The following UGT2A1 variants were observed in gnomAD, a reference collection of about 807,000 sequenced individuals.
The protein encoded by UGT2A1 is UDP-glucuronosyltransferase 2A1.
A neutral mutation model predicts 45.4 loss-of-function variants in UGT2A1; 61 were observed. The observed-to-expected ratio is 1.34, with a 90% confidence interval of 1.09 to 1.66. The LOEUF (loss-of-function observed/expected upper bound fraction) is 1.66, where lower values mean the gene tolerates loss of function less well. Ranked by LOEUF, UGT2A1 falls within the 40% of genes most tolerant of loss-of-function variation. UGT2A1 has a pLI of 0.00. For missense variants in UGT2A1, 649 were observed against 574.3 expected (o/e 1.13, Z -1.33); for synonymous variants, 229 against 196.2 (o/e 1.17, Z -1.40).
chr4:69,608,940 C>A (rs544169260), intron 3 of UGT2A1, among the ~76,000 whole-genome samples: 94 of 151,984 alleles, frequency 6.2e-4, no homozygotes, highest in Admixed American at 1.2e-3. Flanking sequence ...ATTAAGACAG[C>A]ATAAAAATCC....
At chr4:69,598,275 C>G (rs1360751693) in intron 4 of UGT2A1, among the ~76,000 whole-genome samples, 1 of 152,096 alleles carries the variant, frequency 6.6e-6, no homozygotes, top group Non-Finnish European at 1.5e-5. Flanking sequence ...TAGGAACCTG[C>G]AACTTTCTAA....
intron 3 of UGT2A1, among the ~76,000 whole-genome samples, chr4:69,619,609 G>A (rs1015876045): frequency 6.6e-6 from 1 of 151,830 alleles, no homozygotes; most frequent in Non-Finnish European, 1.5e-5. Flanking sequence ...TTCCATTTGT[G>A]TGAAACTTAA....
chr4:69,639,460 C>T (rs755749922), intron 2 of UGT2A1: 1 of 1,613,066 alleles, frequency 6.2e-7, no homozygotes, highest in East Asian at 2.2e-5. Flanking sequence ...GAAGCCAGTA[C>T]AGTCACATTG....
At position 69,616,373 on chromosome 4, in the gene UGT2A1, G is replaced by A. The variant is rs549414499; in HGVS notation, c.848-16979C>T. Reference sequence around the variant, plus strand: ...TTTGTGTGTTTTAAAATGACTAAGAGTGGAATTGGAATTTTCCTAACATAG... The same window carrying A: ...TTTGTGTGTTTTAAAATGACTAAGAATGGAATTGGAATTTTCCTAACATAG... On this transcript the variant is annotated intron_variant, in intron 3 of 6. Transcript: ENST00000286604. 4.9e-4 allele frequency among the ~76,000 whole-genome samples: 74 copies of A among 152,040 alleles called. 1 individual carries two copies. The highest frequency in any genetic ancestry group is 1.4e-3 in the Admixed American group (22 of 15,228).
chr4:69,618,205 G>GTGTGTATGTT (rs1553905688), intron 3 of UGT2A1, among the ~76,000 whole-genome samples: 175 of 87,960 alleles, frequency 2.0e-3, no homozygotes, highest in African/African-American at 5.7e-3. Flanking sequence ...GTGTGTGTGT[G>GTGTGTATGTT]TGTGTGTGTG....
chr4:69,626,291 A>T (rs911611910), intron 3 of UGT2A1, among the ~76,000 whole-genome samples: 2 of 151,428 alleles, frequency 1.3e-5, no homozygotes, highest in African/African-American at 4.8e-5. Flanking sequence ...TTATTCCACC[A>T]AAGAGGCCAT....
chr4:69,650,633 C>A (rs1722476402), intron 1 of UGT2A1, among the ~76,000 whole-genome samples: 1 of 151,144 alleles, frequency 6.6e-6, no homozygotes, highest in Non-Finnish European at 1.5e-5. Flanking sequence ...TAATACATAC[C>A]ACATATAAGA....
intron 3 of UGT2A1, among the ~76,000 whole-genome samples, chr4:69,609,226 C>A (rs1424266624): frequency 6.6e-6 from 1 of 151,146 alleles, no homozygotes; most frequent in Non-Finnish European, 1.5e-5. Flanking sequence ...CAACACAGCT[C>A]ACTGCAGCCT....
intron 1 of UGT2A1, among the ~76,000 whole-genome samples, chr4:69,649,185 C>T (rs4148276): frequency 6.6e-6 from 1 of 151,918 alleles, no homozygotes; most frequent in African/African-American, 2.4e-5. Context: ...TAAGCTCTCC[C>T]ATCACCAAAG....
In UGT2A1 at chr4:69,629,859, C is replaced by A. The variant is rs1199302460; in HGVS notation, c.847+5832G>T. On this transcript the variant is annotated intron_variant, in intron 3 of 6. Transcript: ENST00000286604. ...CCTGTGAGTCTTTCTAGTGAATCAT[C>A]GAGTCTCAGAGTAGATCCATAAGAA... 3.3e-5 allele frequency among the ~76,000 whole-genome samples: 5 copies of A among 151,892 alleles called. No homozygotes were observed. In the South Asian group the frequency reaches 1.0e-3, roughly 32 times the overall value.
At chr4:69,630,166 T>C (rs1721304834) in intron 3 of UGT2A1, among the ~76,000 whole-genome samples, 1 of 152,114 alleles carries the variant, frequency 6.6e-6, no homozygotes, top group Non-Finnish European at 1.5e-5. Context: ...TTTCCATTCT[T>C]GTAGACATTT....
At chr4:69,619,124 G>A (rs964387633) in intron 3 of UGT2A1, among the ~76,000 whole-genome samples, 2 of 151,874 alleles carry the variant, frequency 1.3e-5, no homozygotes, top group Non-Finnish European at 2.9e-5. Context: ...CAGGCCACCT[G>A]ATGTGCTTCA....
intron 2 of UGT2A1, among the ~76,000 whole-genome samples, chr4:69,642,508 A>AT (rs1457083258): frequency 6.6e-6 from 1 of 151,694 alleles, no homozygotes; most frequent in Non-Finnish European, 1.5e-5. Flanking sequence ...ATTCCAGTGC[A>AT]TTTTTTCTTC....
chr4:69,639,916 C>T (rs1388436242), intron 2 of UGT2A1, among the ~76,000 whole-genome samples: 1 of 151,950 alleles, frequency 6.6e-6, no homozygotes, highest in African/African-American at 2.4e-5. Context: ...TTATAAAATA[C>T]ATCTTTAATA....
chr4:69,622,823 C>G (rs113610700), intron 3 of UGT2A1, among the ~76,000 whole-genome samples: 4,403 of 151,786 alleles, frequency 0.029, 212 homozygotes, highest in African/African-American at 0.099. Context: ...ATTCATCCAG[C>G]GGTCCACATC....
chr4:69,652,359 C>G (rs1308833228), intron 1 of UGT2A1, among the ~76,000 whole-genome samples: 2 of 143,736 alleles, frequency 1.4e-5, no homozygotes, highest in Non-Finnish European at 3.0e-5. Flanking sequence ...TCTCGGGTCA[C>G]TGCAACCTCC....
chr4:69,612,713 T>G (rs1720136661), intron 3 of UGT2A1, among the ~76,000 whole-genome samples: 1 of 151,966 alleles, frequency 6.6e-6, no homozygotes, highest in Non-Finnish European at 1.5e-5. Flanking sequence ...CAATTTACCC[T>G]ATAAAAACAT....
At position 69,596,347 on chromosome 4, in the gene UGT2A1, T is replaced by C. The variant is rs767769951; in HGVS notation, c.997-1098A>G. 5 of 1,604,868 alleles carry C rather than the reference T, an allele frequency of 3.1e-6. No homozygotes were observed. The South Asian group carries it at 5.6e-5, about 18-fold the overall frequency. On this transcript the variant is annotated intron_variant, in intron 4 of 6. Coordinates refer to ENST00000286604, the MANE Select transcript of UGT2A1 (RefSeq NM_001252275.3). ...TCCCAGAGAAAACACCACAACACCA[T>C]TTTTACCTGAGCTCTGGATAAATTC...
At chr4:69,634,780 A>T (rs955087391) in intron 3 of UGT2A1, among the ~76,000 whole-genome samples, 2 of 152,178 alleles carry the variant, frequency 1.3e-5, no homozygotes, top group Non-Finnish European at 1.5e-5. Context: ...CTAATAAGAG[A>T]TATCTAAAAT....
Sources: allele counts gnomAD v4.1 joint callset (sites outside exome capture counted in the v4.1 genomes callset), GRCh38; gene constraint gnomAD v4.1.1; transcripts MANE v1.5; gene names NCBI Gene and HGNC (gene_info 2026-07-23, HGNC 2026-07-21).